SH3D19: variants seen among roughly 807,000 people sequenced by gnomAD.
SH3D19 encodes SH3 domain-containing protein 19.
A neutral mutation model predicts 112.1 loss-of-function variants in SH3D19; 58 were observed. The ratio of observed to expected loss-of-function variants is 0.52; its 90% CI spans 0.42 to 0.64. The LOEUF is 0.64. Among genes scored for constraint, SH3D19 ranks in the 30% least tolerant of loss-of-function variants. The pLI, the probability that SH3D19 is intolerant of heterozygous loss-of-function variation, is 0.00. For missense variants in SH3D19, 1,090 were observed against 1,263.4 expected (o/e 0.86, Z 2.08); for synonymous variants, 391 against 448.5 (o/e 0.87, Z 1.62).
intron 1 of SH3D19, among the ~76,000 whole-genome samples, chr4:151,286,982 A>AAAAT (rs1554067297): frequency 7.1e-6 from 1 of 141,834 alleles, no homozygotes; most frequent in Non-Finnish European, 1.5e-5. Context: ...TCTGTCTCAA[A>AAAAT]AATAATAATA....
chr4:151,161,640 A>ATTTT (rs1554040935), intron 8 of SH3D19, among the ~76,000 whole-genome samples: 1 of 148,594 alleles, frequency 6.7e-6, no homozygotes, highest in African/African-American at 2.5e-5. Context: ...ATATATATAT[A>ATTTT]TTTTAATTAT....
At chr4:151,264,954 A>G (rs1211721740) in intron 1 of SH3D19, among the ~76,000 whole-genome samples, 1 of 152,198 alleles carries the variant, frequency 6.6e-6, no homozygotes, top group Non-Finnish European at 1.5e-5. Context: ...AGTTTTGGCA[A>G]GACAGTGGAA....
At chr4:151,281,269 TA>T (rs1475337922) in intron 1 of SH3D19, among the ~76,000 whole-genome samples, 1 of 151,894 alleles carries the variant, frequency 6.6e-6, no homozygotes, top group Non-Finnish European at 1.5e-5. Context: ...GGTATAAAGA[TA>T]AAAACAAAAA....
At chr4:151,284,216 T>C (rs114494799) in intron 1 of SH3D19, among the ~76,000 whole-genome samples, 3,477 of 152,310 alleles carry the variant, frequency 0.023, 56 homozygotes, top group Middle Eastern at 0.065. Flanking sequence ...ATAAACTTGT[T>C]AAGTTATACC....
chr4:151,255,221 C>T (rs1203675241), intron 1 of SH3D19, among the ~76,000 whole-genome samples: 1 of 151,352 alleles, frequency 6.6e-6, no homozygotes, highest in Non-Finnish European at 1.5e-5. Context: ...AGGCTCCTCA[C>T]TTCTCAGACG....
At chr4:151,187,324 T>C in intron 3 of SH3D19, 99 bp downstream of exon 3, 1 of 666,638 alleles carries the variant, frequency 1.5e-6, no homozygotes. Context: ...ACTCTTGGGT[T>C]CTTTGTAGAT....
Position 151,311,729 on chromosome 4 carries a change from A to C in SH3D19, c.112+13512T>G, listed in dbSNP as rs147080910. Among the ~76,000 whole-genome samples, 184 of 151,978 alleles carry C rather than the reference A, an allele frequency of 1.2e-3. 1 individual carries two copies. Among genetic ancestry groups the C allele is most frequent in the African/African-American group, 4.2e-3 (174 of 41,442 alleles). Reference sequence around the variant, plus strand: ...AGGGCATGTCCCTGCAGTCTCAGCTACTCAGGAGGCTGAGGTGGGAAGACC... The same window carrying C: ...AGGGCATGTCCCTGCAGTCTCAGCTCCTCAGGAGGCTGAGGTGGGAAGACC... On this transcript the variant is annotated intron_variant, in intron 1 of 19. Transcript: ENST00000604030.
intron 18 of SH3D19, among the ~76,000 whole-genome samples, 155 bp downstream of exon 18, chr4:151,128,015 A>G (rs1289867708): frequency 1.3e-5 from 2 of 152,214 alleles, no homozygotes; most frequent in Non-Finnish European, 2.9e-5. Context: ...AACTCTAACA[A>G]AGCATATGAA....
chr4:151,314,917 AG>A (rs1336111453), intron 1 of SH3D19, among the ~76,000 whole-genome samples: 1 of 152,186 alleles, frequency 6.6e-6, no homozygotes, highest in Non-Finnish European at 1.5e-5. Context: ...TAAGGGGAAA[AG>A]GGTATTCTGT....
chr4:151,229,952 G>A (rs1769475849), intron 1 of SH3D19, among the ~76,000 whole-genome samples: 1 of 152,140 alleles, frequency 6.6e-6, no homozygotes, highest in Non-Finnish European at 1.5e-5. Flanking sequence ...GGCAGAGCTG[G>A]CACAAAGACT....
At position 151,207,054 on chromosome 4, in the gene SH3D19, C is replaced by A. The variant is rs142760987; in HGVS notation, c.152+18993G>T. Among the ~76,000 whole-genome samples, 415 of 152,224 alleles carry A rather than the reference C, an allele frequency of 2.7e-3. 1 individual carries two copies. Among genetic ancestry groups the A allele is most frequent in the African/African-American group, 9.5e-3 (396 of 41,512 alleles). On this transcript the variant is annotated intron_variant, in intron 2 of 19. Coordinates refer to ENST00000604030, the MANE Select transcript of SH3D19 (RefSeq NM_001378122.1). ...CATGAGAAAAAACTTGATTAGCATA[C>A]CTTATAGGATAGAGTTCTATCAGCT...
chr4:151,137,026 C>T (rs1055407734), intron 14 of SH3D19, among the ~76,000 whole-genome samples: 14 of 152,186 alleles, frequency 9.2e-5, no homozygotes, highest in Admixed American at 7.2e-4. Flanking sequence ...TATCAGGGAC[C>T]GAGTCATCCT....
In SH3D19 at chr4:151,236,299, C is replaced by T. The variant is rs552913010; in HGVS notation, c.113-10213G>A. ...CGGGCTGGCGGGGGTTCCAGGTGTG[C>T]GTGGGTTCCGCGGGCCCCGCACTTG... is the stretch of plus-strand genomic sequence containing the variant. On this transcript the variant is annotated intron_variant, in intron 1 of 19. Transcript: ENST00000604030. 5.2e-4 allele frequency among the ~76,000 whole-genome samples: 79 copies of T among 152,326 alleles called. 1 individual carries two copies. Among genetic ancestry groups the T allele is most frequent in the Non-Finnish European group, 2.4e-4 (16 of 68,022 alleles).
intron 1 of SH3D19, among the ~76,000 whole-genome samples, chr4:151,283,817 T>G (rs1774483320): frequency 6.6e-6 from 1 of 152,152 alleles, no homozygotes; most frequent in Non-Finnish European, 1.5e-5. Flanking sequence ...TTCATAAGTA[T>G]ATTATGAGGT....
intron 9 of SH3D19, among the ~76,000 whole-genome samples, chr4:151,150,534 A>T (rs1249821297): frequency 6.6e-6 from 1 of 151,912 alleles, no homozygotes; most frequent in African/African-American, 2.4e-5. Context: ...GTGGGAACGT[A>T]AAAGAAACTT....
At chr4:151,302,309 T>C (rs1470234394) in intron 1 of SH3D19, among the ~76,000 whole-genome samples, 1 of 152,186 alleles carries the variant, frequency 6.6e-6, no homozygotes, top group African/African-American at 2.4e-5. Flanking sequence ...TACTGAGCTC[T>C]AGAGGTTGTT....
chr4:151,273,589 CAAAAAAAA>C (rs60600816), intron 1 of SH3D19, among the ~76,000 whole-genome samples: 4 of 64,646 alleles, frequency 6.2e-5, no homozygotes, highest in Admixed American at 3.9e-4. Context: ...GACTCCATCT[CAAAAAAAA>C]AAAAAAAAAA....
chr4:151,273,589 CAAAAAAAAAAAAA>C (rs60600816), intron 1 of SH3D19, among the ~76,000 whole-genome samples: 17 of 64,640 alleles, frequency 2.6e-4, no homozygotes, highest in East Asian at 9.4e-4. Flanking sequence ...GACTCCATCT[CAAAAAAAAAAAAA>C]AAAAAAAAAA....
chr4:151,199,205 T>C (rs1254270834), intron 2 of SH3D19, among the ~76,000 whole-genome samples: 1 of 152,162 alleles, frequency 6.6e-6, no homozygotes, highest in Non-Finnish European at 1.5e-5. Context: ...TAGGATATTA[T>C]TAATATATTA....
Sources: allele counts gnomAD v4.1 joint callset (sites outside exome capture counted in the v4.1 genomes callset), GRCh38; gene constraint gnomAD v4.1.1; transcripts MANE v1.5; gene names NCBI Gene and HGNC (gene_info 2026-07-23, HGNC 2026-07-21).